The following ACSM2A variants were observed in gnomAD, a reference collection of about 807,000 sequenced individuals.
ACSM2A encodes acyl-CoA synthetase medium chain family member 2A, also known as acyl-coenzyme A synthetase ACSM2A, mitochondrial.
A neutral mutation model predicts 76.6 loss-of-function variants in ACSM2A; 72 were observed. The observed-to-expected ratio is 0.94, with a 90% confidence interval of 0.78 to 1.14. The LOEUF (loss-of-function observed/expected upper bound fraction) is 1.14. ACSM2A is among the 50% of genes most tolerant of loss of function. The pLI is 0.00. For synonymous variants in ACSM2A, 249 were observed against 255.9 expected (o/e 0.97, Z 0.26); for missense variants, 684 against 708.5 (o/e 0.97, Z 0.39).
At chr16:20,473,148 C>G (rs572745616) in intron 6 of ACSM2A, among the ~76,000 whole-genome samples, 9 of 152,268 alleles carry the variant, frequency 5.9e-5, no homozygotes, top group Non-Finnish European at 1.0e-4. Context: ...ATCCAGACAT[C>G]TATTTGGCTG....
intron 3 of ACSM2A, among the ~76,000 whole-genome samples, chr16:20,466,979 T>C (rs1343655185): frequency 2.6e-5 from 4 of 152,208 alleles, no homozygotes; most frequent in Admixed American, 2.6e-4. Context: ...TCATTTTTAT[T>C]TTAAAGTTAG....
intron 13 of ACSM2A, among the ~76,000 whole-genome samples, chr16:20,485,343 G>C (rs1004010412): frequency 1.3e-5 from 2 of 152,092 alleles, no homozygotes; most frequent in Non-Finnish European, 2.9e-5. Flanking sequence ...TCAAGGCAGC[G>C]GATTATTTGC....
chr16:20,473,584 T>C (rs1444018565), intron 6 of ACSM2A, among the ~76,000 whole-genome samples: 3 of 152,176 alleles, frequency 2.0e-5, no homozygotes, highest in Non-Finnish European at 4.4e-5. Context: ...TCTAGACCTT[T>C]TGCTTAAACC....
chr16:20,469,368 C>T, intron 3 of ACSM2A, 144 bp from the exon 4 acceptor site: 1 of 1,453,648 alleles, frequency 6.9e-7, no homozygotes, highest in Middle Eastern at 2.3e-4. Context: ...GTCCTTAGTT[C>T]CCTTTTTTAT....
In ACSM2A at chr16:20,469,568, T is replaced by C; in HGVS notation, c.445T>C (p.Leu149=). 2 of 1,613,876 alleles carry C rather than the reference T, an allele frequency of 1.2e-6. No homozygotes were observed. Among genetic ancestry groups the C allele is most frequent in the Non-Finnish European group, 1.7e-6 (2 of 1,179,812 alleles). ...GAAATCCACTGACATACTGTATAGG[T>C]TGCAGATGTCTAAGGCCAAGGCTAT... ...QMKSTDILYR[L]QMSKAKAIVA... Residue 149 remains leucine (L), a synonymous_variant, in exon 4 of 14, where the codon TTG becomes CTG. Transcript: ENST00000573854.
rs377092188 is a variant in ACSM2A, at chr16:20,475,811, T to A, written c.1098+38T>A. On this transcript the variant is annotated intron_variant, in intron 8 of 13. Coordinates refer to ENST00000573854, the MANE Select transcript of ACSM2A (RefSeq NM_001308172.2). ...AGGGGAACCATGGGCTGTGTGCACT[T>A]TTTGGGCTTCAAAATTCTCTTTGAC... The A allele has an allele frequency of 8.7e-6, 14 of 1,602,544 alleles. No homozygotes were observed. In the African/African-American group the frequency reaches 1.8e-4, roughly 20 times the overall value.
chr16:20,471,656 C>CTTGCCAAAGT lies in ACSM2A; in HGVS notation c.865_874dup (p.Asp292AlafsTer4). 6.2e-7 allele frequency: 1 copy of CTTGCCAAAGT among 1,613,962 alleles called. No individual in the cohort carries two copies. Among genetic ancestry groups the CTTGCCAAAGT allele is most frequent in the East Asian group, 2.2e-5 (1 of 44,886 alleles). On this transcript the variant is annotated frameshift_variant, in exon 6 of 14. Coordinates refer to ENST00000573854, the MANE Select transcript of ACSM2A (RefSeq NM_001308172.2). LOFTEE classifies it high-confidence loss of function. ...TAGGAGCATGCACATTTGTTCATCTCTTGCCAAAGTTTGACCCACTGGTTA... is the reference window on the plus strand; with the variant it reads ...TAGGAGCATGCACATTTGTTCATCTCTTGCCAAAGTTTGCCAAAGTTTGACCCACTGGTTA...
intron 9 of ACSM2A, 119 bp downstream of exon 9, chr16:20,477,568 A>G (rs1028529113): frequency 1.4e-6 from 2 of 1,452,382 alleles, no homozygotes; most frequent in African/African-American, 1.4e-5. Context: ...AAGATAACAT[A>G]AGAAAAAAAG....
chr16:20,482,994 A>G (rs562164086), intron 12 of ACSM2A, 64 bp from the exon 13 acceptor site: 1 of 1,584,388 alleles, frequency 6.3e-7, no homozygotes, highest in African/African-American at 1.3e-5. Flanking sequence ...TGCCAATTTC[A>G]CATTATTCCA....
chr16:20,479,888 A>C (rs1393117540), intron 10 of ACSM2A, among the ~76,000 whole-genome samples: 1 of 152,200 alleles, frequency 6.6e-6, no homozygotes, highest in Non-Finnish European at 1.5e-5. Flanking sequence ...GCTTCAGACT[A>C]ACCTCTTGAT....
At chr16:20,484,756 G>A (rs1274112826) in intron 13 of ACSM2A, among the ~76,000 whole-genome samples, 1 of 152,144 alleles carries the variant, frequency 6.6e-6, no homozygotes, top group Non-Finnish European at 1.5e-5. Context: ...AGGGAAGGGG[G>A]TCTTTACAGT....
chr16:20,462,070 G>A (rs144099175), intron 2 of ACSM2A, among the ~76,000 whole-genome samples: 4 of 152,282 alleles, frequency 2.6e-5, no homozygotes, highest in African/African-American at 7.2e-5. Context: ...GGTCTAGGTA[G>A]TGTCAGTAAC....
intron 1 of ACSM2A, among the ~76,000 whole-genome samples, chr16:20,457,354 G>A (rs1484523897): frequency 6.6e-6 from 1 of 151,974 alleles, no homozygotes; most frequent in Non-Finnish European, 1.5e-5. Flanking sequence ...AGAAAAGGAT[G>A]TAACAAAGAA....
intron 6 of ACSM2A, among the ~76,000 whole-genome samples, chr16:20,474,670 C>T (rs1355750175): frequency 3.3e-5 from 5 of 152,196 alleles, no homozygotes; most frequent in Non-Finnish European, 5.9e-5. Context: ...GGAATACATG[C>T]TGCAAATAAT....
chr16:20,480,981 G>A (rs2014051341), intron 12 of ACSM2A, 60 bp downstream of exon 12: 3 of 1,600,356 alleles, frequency 1.9e-6, no homozygotes, highest in East Asian at 4.5e-5. Flanking sequence ...AGTGTAGTAT[G>A]ATGGTTTAAG....
intron 13 of ACSM2A, 108 bp downstream of exon 13, chr16:20,483,285 C>A: frequency 6.6e-7 from 1 of 1,509,620 alleles, no homozygotes; most frequent in South Asian, 1.2e-5. Flanking sequence ...AAAAAGTCTT[C>A]CTGGCTGGGC....
chr16:20,458,912 A>ATATG (rs1458559384), intron 1 of ACSM2A, among the ~76,000 whole-genome samples: 7 of 59,212 alleles, frequency 1.2e-4, no homozygotes, highest in Non-Finnish European at 1.8e-4. Context: ...ATGCATATAT[A>ATATG]TATATATATA....
chr16:20,480,631 G>A lies in ACSM2A; in HGVS notation c.1340G>A (p.Arg447Gln), dbSNP rs145697504. The A allele has an allele frequency of 4.5e-5, 72 of 1,613,406 alleles. No homozygotes were observed. The Admixed American group carries it at 4.5e-4, about 10-fold the overall frequency. Residue 447 changes from arginine to glutamine, a missense_variant, in exon 11 of 14, where the codon CGG becomes CAG. Transcript: ENST00000573854. ...GGAGACTTTTGGCTCCTTGGAGACC[G>A]GGGAATCAAAGATGAAGATGGGTAT... ...IRGDFWLLGD[R>Q]GIKDEDGYFQ...
At chr16:20,456,873 A>G (rs2012194087) in intron 1 of ACSM2A, among the ~76,000 whole-genome samples, 1 of 151,248 alleles carries the variant, frequency 6.6e-6, no homozygotes, top group Non-Finnish European at 1.5e-5. Flanking sequence ...GTTCTTTGAA[A>G]AGATAAATAA....
Sources: allele counts gnomAD v4.1 joint callset (sites outside exome capture counted in the v4.1 genomes callset), GRCh38; gene constraint gnomAD v4.1.1; transcripts MANE v1.5; gene names NCBI Gene and HGNC (gene_info 2026-07-23, HGNC 2026-07-21).